The following SVOPL variants were observed in gnomAD, a reference collection of about 807,000 sequenced individuals.
SVOPL encodes putative transporter SVOPL.
SVOPL carries 60 observed loss-of-function variants against 61.0 expected under a neutral mutation model. The ratio of observed to expected loss-of-function variants is 0.98; its 90% CI spans 0.80 to 1.22. The LOEUF (loss-of-function observed/expected upper bound fraction) is 1.22. Ranked by LOEUF, SVOPL falls within the 50% of genes most tolerant of loss-of-function variation. SVOPL has a pLI of 0.00. For missense variants in SVOPL, 662 were observed against 643.9 expected (o/e 1.03, Z -0.30); for synonymous variants, 279 against 250.0 (o/e 1.12, Z -1.09).
chr7:138,648,533 C>CAAAAAAAAA (rs61171485), intron 8 of SVOPL, among the ~76,000 whole-genome samples: 1 of 73,782 alleles, frequency 1.4e-5, no homozygotes, highest in Non-Finnish European at 3.1e-5. Context: ...ACTAAAAATC[C>CAAAAAAAAA]AAAAAAAAAA....
chr7:138,686,716 C>T (rs896127733), intron 1 of SVOPL, among the ~76,000 whole-genome samples: 4 of 151,706 alleles, frequency 2.6e-5, no homozygotes, highest in Admixed American at 6.6e-5. Flanking sequence ...AATCATGCAC[C>T]GCCACGCCCG....
At position 138,601,221 on chromosome 7, in the gene SVOPL, T is replaced by C. The variant is rs1446632820; in HGVS notation, c.1354-4691A>G. Among the ~76,000 whole-genome samples the C allele has an allele frequency of 1.2e-4, 16 of 134,972 alleles. No individual in the cohort carries two copies. In the East Asian group the frequency reaches 1.7e-3, roughly 14 times the overall value. The allele number at this position is 134,972 out of a possible 152,430, so 88.5% of individuals were successfully genotyped here. On this transcript the variant is annotated intron_variant, in intron 14 of 15. Coordinates refer to ENST00000674285, the MANE Select transcript of SVOPL (RefSeq NM_001139456.2). ...GAGCCAAGATCGTGCCACTGCACTC[T>C]AGCCTGGGCGACAGAGCGAGATTCC...
At chr7:138,683,734 A>G (rs1006761218) in intron 1 of SVOPL, among the ~76,000 whole-genome samples, 1 of 152,086 alleles carries the variant, frequency 6.6e-6, no homozygotes, top group Admixed American at 6.6e-5. Context: ...ATCAGAACTC[A>G]CAAAGGGTTA....
At chr7:138,690,071 G>A (rs1802907471) in intron 1 of SVOPL, among the ~76,000 whole-genome samples, 1 of 152,064 alleles carries the variant, frequency 6.6e-6, no homozygotes, top group Non-Finnish European at 1.5e-5. Context: ...GGAGAGGCAT[G>A]AATCAGATTT....
intron 8 of SVOPL, among the ~76,000 whole-genome samples, chr7:138,647,305 C>T (rs1194043927): frequency 6.6e-6 from 1 of 151,718 alleles, no homozygotes; most frequent in African/African-American, 2.4e-5. Context: ...TGCTTGAACC[C>T]GGGAGGCAGA....
rs143802629 is a variant in SVOPL at position 138,689,426 on chromosome 7, C to A, written c.-34-10347G>T. ...GCTCTCCCTGCCACATCGAGATGAT[C>A]CTTACTGAAAAGGAACAGATTGTTC... On this transcript the variant is annotated intron_variant, in intron 1 of 15. Transcript: ENST00000674285. 3.6e-4 allele frequency: 453 copies of A among 1,245,412 alleles called. 3 individuals are homozygous for A. The East Asian group carries it at 0.01, about 29-fold the overall frequency. The allele number at this position is 1,245,412 out of a possible 1,614,324, so 77.1% of individuals were successfully genotyped here.
intron 5 of SVOPL, chr7:138,660,928 T>C: frequency 1.0e-6 from 1 of 984,656 alleles, no homozygotes; most frequent in Non-Finnish European, 1.2e-6. Context: ...CCTTACATAT[T>C]TGATAAGGAA....
intron 10 of SVOPL, among the ~76,000 whole-genome samples, chr7:138,629,237 AT>A (rs34587301): frequency 1.3e-4 from 18 of 140,120 alleles, no homozygotes; most frequent in South Asian, 2.3e-4. Context: ...GCTCTTCATG[AT>A]TTTTTTTTTT....
chr7:138,646,325 C>G (rs904117126), intron 8 of SVOPL: 2 of 174,578 alleles, frequency 1.1e-5, no homozygotes, highest in Admixed American at 5.6e-5. Context: ...TTTTAAACAG[C>G]GCCCATCCCC....
rs137926619 is a variant in SVOPL, at chr7:138,621,016, T to A, written c.1353+30A>T. 1,072 of 1,603,078 alleles carry A rather than the reference T, an allele frequency of 6.7e-4. 1 individual carries two copies. Among genetic ancestry groups the A allele is most frequent in the Middle Eastern group, 2.1e-3 (13 of 6,048 alleles). On this transcript the variant is annotated intron_variant, in intron 14 of 15. Coordinates refer to ENST00000674285, the MANE Select transcript of SVOPL (RefSeq NM_001139456.2). The stretch of plus-strand genomic sequence containing the variant: ...TCCTCTTACCCCCTCTCTCAGACTC[T>A]CTCTCTCCCTGCAGGGTCCTTGGCT...
In SVOPL at chr7:138,663,390, C is replaced by T. The variant is rs73730418; in HGVS notation, c.274-245G>A. The T allele has an allele frequency of 1.4e-3, 1,889 of 1,380,450 alleles. 30 individuals are homozygous for T. In the African/African-American group the frequency reaches 0.023, roughly 17 times the overall value. The allele number at this position is 1,380,450 out of a possible 1,614,324, so 85.5% of individuals were successfully genotyped here. On this transcript the variant is annotated intron_variant, in intron 4 of 15. Coordinates refer to ENST00000674285, the MANE Select transcript of SVOPL (RefSeq NM_001139456.2). ...GGTGGAAACGGGGTCCTCTGCCGCC[C>T]GCTTGTTGCTAGAGGACGGCTTCGG...
intron 14 of SVOPL, among the ~76,000 whole-genome samples, chr7:138,619,379 C>T (rs62485306): frequency 0.095 from 14,289 of 151,064 alleles, 918 homozygotes; most frequent in Non-Finnish European, 0.13. Flanking sequence ...CCAGCCTGGG[C>T]GACAGAGCGA....
chr7:138,696,189 G>A (rs1803061529), intron 1 of SVOPL, among the ~76,000 whole-genome samples: 1 of 152,006 alleles, frequency 6.6e-6, no homozygotes, highest in Non-Finnish European at 1.5e-5. Context: ...TTGACATGTT[G>A]CCCACAGTGC....
chr7:138,621,177 G>A (rs746487604), intron 13 of SVOPL, 42 bp from the exon 14 acceptor site: 30 of 1,565,386 alleles, frequency 1.9e-5, no homozygotes, highest in Admixed American at 7.2e-5. Flanking sequence ...GATAATGTCC[G>A]TCCTTCCCCG....
In SVOPL at chr7:138,627,396, C is replaced by A. The variant is rs1799940332; in HGVS notation, c.1135G>T (p.Gly379Ter). ...GRRLSLSITMGCTALFFLLLN... is the reference protein window; with the variant it reads ...GRRLSLSITM Reference sequence around the variant, plus strand: ...AGAAGGAAGAATAAAGCCGTGCATCCCATGGTAATAGAAAGGCTCAGCCGT... The same window carrying A: ...AGAAGGAAGAATAAAGCCGTGCATCACATGGTAATAGAAAGGCTCAGCCGT... Residue 379 changes from glycine (G) to a stop codon, truncating the protein, a stop_gained, in exon 12 of 16, where the codon GGA (glycine) becomes TGA (stop). Coordinates refer to ENST00000674285, the MANE Select transcript of SVOPL (RefSeq NM_001139456.2). LOFTEE classifies it high-confidence loss of function. 1.9e-6 allele frequency: 3 copies of A among 1,613,610 alleles called. No homozygotes were observed. The highest frequency in any genetic ancestry group is 1.7e-6 in the Non-Finnish European group (2 of 1,179,710).
At chr7:138,656,532 A>C in intron 6 of SVOPL, 21 bp from the exon 7 acceptor site, 1 of 1,612,004 alleles carries the variant, frequency 6.2e-7, no homozygotes, top group Non-Finnish European at 8.5e-7. Context: ...AGCAGGAAAA[A>C]GCATAATTTT....
intron 4 of SVOPL, chr7:138,663,709 A>C: frequency 1.5e-6 from 1 of 660,498 alleles, no homozygotes. Flanking sequence ...GGTTTTATTT[A>C]TTATAACTTG....
intron 13 of SVOPL, among the ~76,000 whole-genome samples, chr7:138,622,755 C>A (rs1799730187): frequency 6.6e-6 from 1 of 152,210 alleles, no homozygotes; most frequent in African/African-American, 2.4e-5. Flanking sequence ...AGCCACCATG[C>A]CCAGCCATAT....
chr7:138,668,321 A>G (rs1383457967), intron 4 of SVOPL, among the ~76,000 whole-genome samples: 1 of 152,150 alleles, frequency 6.6e-6, no homozygotes, highest in Non-Finnish European at 1.5e-5. Context: ...CCAGTTGCCC[A>G]CACAGCCAGC....
Sources: allele counts gnomAD v4.1 joint callset (sites outside exome capture counted in the v4.1 genomes callset), GRCh38; gene constraint gnomAD v4.1.1; transcripts MANE v1.5; gene names NCBI Gene and HGNC (gene_info 2026-07-23, HGNC 2026-07-21).